The following MIGA1 variants were observed in gnomAD, a reference collection of about 807,000 sequenced individuals.
The protein encoded by MIGA1 is mitoguardin 1.
In MIGA1, 58 loss-of-function variants were observed where a neutral mutation model predicts 82.0. That is an observed-to-expected ratio of 0.71 (90% CI 0.57 to 0.88). The LOEUF is 0.88. MIGA1 is among the 40% of genes least tolerant of loss of function. MIGA1 has a pLI of 0.00. For missense variants in MIGA1, 751 were observed against 749.1 expected (o/e 1.00, Z -0.03); for synonymous variants, 249 against 253.6 (o/e 0.98, Z 0.17).
chr1:77,868,919 CT>C (rs915584953), intron 14 of MIGA1, among the ~76,000 whole-genome samples: 258 of 136,064 alleles, frequency 1.9e-3, no homozygotes, highest in East Asian at 2.8e-3. Context: ...AGCACATTTT[CT>C]TTTTTTTTTT....
At chr1:77,844,119 T>A (rs368572078) in intron 8 of MIGA1, among the ~76,000 whole-genome samples, 2,754 of 67,096 alleles carry the variant, frequency 0.041, 113 homozygotes, top group African/African-American at 0.11. Context: ...AAAAAATATA[T>A]ATATATATAT....
chr1:77,785,500 C>A (rs527264043), intron 2 of MIGA1, among the ~76,000 whole-genome samples: 216 of 152,252 alleles, frequency 1.4e-3, no homozygotes, highest in Non-Finnish European at 2.5e-3. Context: ...TGTGCCACCA[C>A]GCCTGGCTAG....
At chr1:77,801,951 G>A (rs1001186750) in intron 3 of MIGA1, among the ~76,000 whole-genome samples, 1 of 152,074 alleles carries the variant, frequency 6.6e-6, no homozygotes, top group Admixed American at 6.6e-5. Flanking sequence ...TTGTATGAAT[G>A]TACCCCAATT....
At chr1:77,872,886 AAC>A in intron 14 of MIGA1, 116 bp from the exon 15 acceptor site, 1 of 1,384,444 alleles carries the variant, frequency 7.2e-7, no homozygotes, top group Admixed American at 2.0e-5. Flanking sequence ...GGTTCTAAAA[AAC>A]AAATTTTCTT....
chr1:77,803,729 G>A (rs1438478067), intron 4 of MIGA1, among the ~76,000 whole-genome samples: 1 of 152,116 alleles, frequency 6.6e-6, no homozygotes, highest in African/African-American at 2.4e-5. Context: ...TATGGAGATA[G>A]AGAGTAGAAT....
intron 8 of MIGA1, chr1:77,848,184 A>T: frequency 7.0e-7 from 1 of 1,438,836 alleles, no homozygotes; most frequent in Non-Finnish European, 9.8e-7. Flanking sequence ...GAGACCAGTC[A>T]TAGAGATTCC....
Position 77,787,205 on chromosome 1 carries a change from C to T in MIGA1, c.195+3854C>T, listed in dbSNP as rs115738182. On this transcript the variant is annotated intron_variant, in intron 2 of 15. Coordinates refer to ENST00000370791, the MANE Select transcript of MIGA1 (RefSeq NM_198549.4). Reference sequence around the variant, plus strand: ...GATTCAATTACCTGCCACTGGGTCCCTCTCACAACACATGGGAATTCAAGA... The same window carrying T: ...GATTCAATTACCTGCCACTGGGTCCTTCTCACAACACATGGGAATTCAAGA... 7.0e-3 allele frequency among the ~76,000 whole-genome samples: 1,061 copies of T among 152,230 alleles called. 15 individuals are homozygous for T. The highest frequency in any genetic ancestry group is 0.024 in the African/African-American group (989 of 41,528).
intron 10 of MIGA1, chr1:77,859,661 T>TA (rs1405336718): frequency 2.2e-5 from 9 of 404,974 alleles, no homozygotes; most frequent in Non-Finnish European, 3.9e-5. Flanking sequence ...CTGCTTAAAA[T>TA]AAAAACACTC....
intron 12 of MIGA1, among the ~76,000 whole-genome samples, chr1:77,862,463 T>A (rs772428894): frequency 6.8e-6 from 1 of 147,400 alleles, no homozygotes; most frequent in Non-Finnish European, 1.5e-5. Flanking sequence ...TATATAGATA[T>A]AGATATCGGT....
chr1:77,812,351 C>T (rs1437109030), intron 5 of MIGA1, among the ~76,000 whole-genome samples: 1 of 152,060 alleles, frequency 6.6e-6, no homozygotes, highest in Non-Finnish European at 1.5e-5. Context: ...TGTCTGTAAT[C>T]CCAGTTACTT....
At chr1:77,863,832 C>G in intron 12 of MIGA1, 62 bp from the exon 13 acceptor site, 1 of 1,239,654 alleles carries the variant, frequency 8.1e-7, no homozygotes, top group Non-Finnish European at 1.1e-6. Context: ...AAAGCCCTGG[C>G]TCAGATTTTA....
intron 7 of MIGA1, among the ~76,000 whole-genome samples, chr1:77,821,726 G>A (rs775327326): frequency 3.3e-5 from 5 of 152,034 alleles, no homozygotes; most frequent in Non-Finnish European, 7.4e-5. Context: ...GACATCTAAC[G>A]TATTAATTAT....
At chr1:77,813,633 C>A in intron 5 of MIGA1, 101 bp from the exon 6 acceptor site, 2 of 1,224,748 alleles carry the variant, frequency 1.6e-6, no homozygotes, top group East Asian at 2.4e-5. Context: ...CAAAATTAGA[C>A]TGTGACATCA....
chr1:77,782,459 A>G (rs571428581), intron 1 of MIGA1, among the ~76,000 whole-genome samples: 1 of 152,270 alleles, frequency 6.6e-6, no homozygotes, highest in South Asian at 2.1e-4. Context: ...TTTATTATAA[A>G]TAGATAAACT....
chr1:77,825,075 G>A (rs1683978963), intron 7 of MIGA1, among the ~76,000 whole-genome samples: 1 of 136,150 alleles, frequency 7.3e-6, no homozygotes. Context: ...TGCAACCTCC[G>A]CCTCCAGGGT....
rs561816073 is a variant in MIGA1 at position 77,875,842 on chromosome 1, A to G, written c.*778A>G. On this transcript the variant is annotated 3_prime_UTR_variant, in exon 16 of 16. Coordinates refer to ENST00000370791, the MANE Select transcript of MIGA1 (RefSeq NM_198549.4). ...GGAAATATTAAAATTTTTTTAAAAA[A>G]TAAAAATAGGCTGGGTGTGGTGGTT... is the stretch of plus-strand genomic sequence containing the variant. 2 of 152,262 alleles carry G rather than the reference A, an allele frequency of 1.3e-5. No individual in the cohort carries two copies. Among genetic ancestry groups the G allele is most frequent in the East Asian group, 3.9e-4 (2 of 5,186 alleles). The allele number at this position is 152,262 out of a possible 1,614,324, so 9.4% of individuals were successfully genotyped here. A position where few individuals can be genotyped will look rare whatever the true frequency, so the allele number is the denominator to read the frequency against.
intron 8 of MIGA1, chr1:77,847,994 C>T: frequency 8.1e-7 from 1 of 1,231,086 alleles, no homozygotes; most frequent in East Asian, 2.3e-5. Context: ...GGAATCAAAA[C>T]CACTCTCAGT....
At chr1:77,803,227 TGG>T (rs1570936216) in intron 3 of MIGA1, 41 bp from the exon 4 acceptor site, 1 of 1,269,232 alleles carries the variant, frequency 7.9e-7, no homozygotes, top group African/African-American at 1.5e-5. Flanking sequence ...AATTTATCAT[TGG>T]CGTTATTGAT....
At chr1:77,822,763 T>C (rs1381847128) in intron 7 of MIGA1, among the ~76,000 whole-genome samples, 1 of 152,114 alleles carries the variant, frequency 6.6e-6, no homozygotes, top group Non-Finnish European at 1.5e-5. Flanking sequence ...TTGTACTATT[T>C]ATAGAAGAGT....
Sources: gnomAD v4.1 joint callset for allele counts (sites outside exome capture counted in the v4.1 genomes callset) on GRCh38, gnomAD v4.1.1 for gene constraint, MANE v1.5 for transcripts, NCBI Gene and HGNC (gene_info 2026-07-23, HGNC 2026-07-21) for gene names.